The following CA5A variants were observed in gnomAD, a reference collection of about 807,000 sequenced individuals.
CA5A encodes the protein carbonic anhydrase 5A.
CA5A carries 28 observed loss-of-function variants against 37.1 expected under a neutral mutation model. The observed-to-expected ratio is 0.75, with a 90% CI of 0.56 to 1.03. The LOEUF is 1.03. Ranked by LOEUF, CA5A falls within the 50% of genes least tolerant of loss-of-function variation. CA5A has a pLI of 0.00. For missense variants in CA5A, 444 were observed against 399.9 expected, an observed-to-expected ratio of 1.11 and a Z score of -0.94; for synonymous variants, 171 against 158.4, an observed-to-expected ratio of 1.08 and a Z score of -0.60.
At chr16:87,918,872 C>T (rs1460184786) in intron 2 of CA5A, among the ~76,000 whole-genome samples, 6 of 152,188 alleles carry the variant, frequency 3.9e-5, no homozygotes, top group East Asian at 1.9e-4. Flanking sequence ...AGGAGAGGAC[C>T]GAGAACCTGG....
intron 2 of CA5A, among the ~76,000 whole-genome samples, chr16:87,913,153 A>T (rs889485194): frequency 5.3e-5 from 8 of 151,718 alleles, no homozygotes; most frequent in African/African-American, 1.9e-4. Context: ...TAATTTTTGT[A>T]TTATTACCAG....
At chr16:87,906,602 GGGC>G (rs1158459903) in intron 2 of CA5A, among the ~76,000 whole-genome samples, 5 of 152,124 alleles carry the variant, frequency 3.3e-5, no homozygotes, top group African/African-American at 1.2e-4. Context: ...ACTCCAGACT[GGGC>G]GACGGAGTGA....
At chr16:87,890,374 T>TCAACAAAA (rs1280758461) in intron 6 of CA5A, among the ~76,000 whole-genome samples, 3 of 152,098 alleles carry the variant, frequency 2.0e-5, no homozygotes, top group Non-Finnish European at 2.9e-5. Flanking sequence ...CTTCCCCGTT[T>TCAACAAAA]GTATATAAGG....
chr16:87,906,487 T>C (rs1037451157), intron 2 of CA5A, among the ~76,000 whole-genome samples: 2 of 151,684 alleles, frequency 1.3e-5, no homozygotes, highest in Non-Finnish European at 1.5e-5. Flanking sequence ...ATTAGCTGGG[T>C]GTGGTGGCGG....
intron 2 of CA5A, among the ~76,000 whole-genome samples, chr16:87,916,386 G>A (rs2056143935): frequency 6.6e-6 from 1 of 152,040 alleles, no homozygotes; most frequent in Admixed American, 6.6e-5. Context: ...TATTTAGGAT[G>A]CTCGTATTTT....
chr16:87,910,124 C>T (rs1390655749), intron 2 of CA5A, among the ~76,000 whole-genome samples: 2 of 152,212 alleles, frequency 1.3e-5, no homozygotes, highest in Non-Finnish European at 2.9e-5. Context: ...CTGGAAGCCA[C>T]TGAAGCCTTC....
At chr16:87,890,702 G>A (rs562873100) in intron 6 of CA5A, among the ~76,000 whole-genome samples, 16 of 152,270 alleles carry the variant, frequency 1.1e-4, no homozygotes, top group African/African-American at 3.9e-4. Context: ...TGCAACCTCC[G>A]CCTTCCAGGT....
At position 87,901,968 on chromosome 16, in the gene CA5A, C is replaced by G; in HGVS notation, c.562G>C (p.Ala188Pro). ...AGCCTCTGCAGCGTCTGATGATGGGCCCCGAGCTGCATGGCAGACAAAGGA... is the reference window on the plus strand; with the variant it reads ...AGCCTCTGCAGCGTCTGATGATGGGGCCCGAGCTGCATGGCAGACAAAGGA... ...AVIGVFLKLG[A>P]HHQTLQRLVD... Residue 188 changes from alanine (A) to proline (P), a missense_variant, in exon 5 of 7, where the codon GCC (alanine) becomes CCC (proline). Physicochemically the swap from Ala to Pro is conservative, Grantham distance 27. Transcript: ENST00000649794. 3.7e-6 allele frequency: 6 copies of G among 1,613,540 alleles called. No individual in the cohort carries two copies. Among genetic ancestry groups the G allele is most frequent in the Non-Finnish European group, 5.1e-6 (6 of 1,179,610 alleles).
chr16:87,903,789 G>C (rs529879056), intron 3 of CA5A, among the ~76,000 whole-genome samples: 2 of 152,308 alleles, frequency 1.3e-5, no homozygotes, highest in South Asian at 4.1e-4. Context: ...AGTTAGGTGA[G>C]TGGGTGAGCA....
At chr16:87,899,295 C>CT (rs774174056) in intron 5 of CA5A, among the ~76,000 whole-genome samples, 1,306 of 85,856 alleles carry the variant, frequency 0.015, 101 homozygotes, top group East Asian at 0.031. Context: ...CTCCTAAGGT[C>CT]TTTTTTTTTT....
chr16:87,904,418 G>C (rs2055927707), intron 3 of CA5A, among the ~76,000 whole-genome samples: 1 of 152,104 alleles, frequency 6.6e-6, no homozygotes, highest in Admixed American at 6.5e-5. Context: ...AAGATGTTCA[G>C]CTTCTCAGCA....
intron 5 of CA5A, among the ~76,000 whole-genome samples, chr16:87,895,661 C>G (rs1336626061): frequency 6.6e-6 from 1 of 152,204 alleles, no homozygotes; most frequent in Non-Finnish European, 1.5e-5. Flanking sequence ...TTTAGAACTT[C>G]CACCTCAAGG....
rs2056323823 is a variant in CA5A at position 87,927,060 on chromosome 16, C to G, written c.143-115G>C. The G allele has an allele frequency of 7.9e-6, 6 of 754,998 alleles. No individual in the cohort carries two copies. The Admixed American group carries it at 1.3e-4, about 16-fold the overall frequency. 46.8% of individuals were successfully genotyped at this position (754,998 alleles called of 1,614,324 possible). A position where few individuals can be genotyped will look rare whatever the true frequency, so the allele number is the denominator to read the frequency against. ...CCCTCACGTCCTGGCTCATGGGAAA[C>G]TGACCCACGGGAAACGGGCGCGTGG... On this transcript the variant is annotated intron_variant, in intron 1 of 6. Coordinates refer to ENST00000649794, the MANE Select transcript of CA5A (RefSeq NM_001739.2).
intron 5 of CA5A, chr16:87,893,709 G>A: frequency 1.9e-6 from 1 of 518,728 alleles, no homozygotes. Flanking sequence ...AGGCAGATTT[G>A]GTCGTGGACA....
chr16:87,931,822 A>C (rs773256783), intron 1 of CA5A, among the ~76,000 whole-genome samples: 5 of 152,192 alleles, frequency 3.3e-5, no homozygotes, highest in Non-Finnish European at 5.9e-5. Flanking sequence ...CGCGATAGAC[A>C]ACTATGGACG....
chr16:87,917,294 C>G (rs994670720), intron 2 of CA5A, among the ~76,000 whole-genome samples: 97 of 152,208 alleles, frequency 6.4e-4, no homozygotes, highest in South Asian at 2.1e-4. Flanking sequence ...TTCCTCAGTC[C>G]CGCTCCTAAT....
intron 2 of CA5A, among the ~76,000 whole-genome samples, chr16:87,925,993 TG>T (rs2056302485): frequency 6.6e-6 from 1 of 152,138 alleles, no homozygotes; most frequent in African/African-American, 2.4e-5. Context: ...GAGGCCAAGG[TG>T]GGCAGATCAC....
chr16:87,911,282 G>A lies in CA5A; in HGVS notation c.341-6378C>T, dbSNP rs994315160. The stretch of plus-strand genomic sequence containing the variant: ...CCGGCTCATGGAGATATAATTGAAC[G>A]ATTGCCTCAGCGCGTGCCAGACTCT... On this transcript the variant is annotated intron_variant, in intron 2 of 6. Coordinates refer to ENST00000649794, the MANE Select transcript of CA5A (RefSeq NM_001739.2). This position sits in a 1 kb window ranked among gnomAD's most constrained non-coding sequence, Gnocchi z 4.6. Among the ~76,000 whole-genome samples, 30 of 152,172 alleles carry A rather than the reference G, an allele frequency of 2.0e-4. No individual in the cohort carries two copies. The highest frequency in any genetic ancestry group is 7.2e-4 in the African/African-American group (30 of 41,528).
intron 2 of CA5A, among the ~76,000 whole-genome samples, chr16:87,919,476 C>T (rs1309191457): frequency 6.6e-6 from 1 of 152,198 alleles, no homozygotes; most frequent in Non-Finnish European, 1.5e-5. Context: ...GAAGCCAAGC[C>T]ACAGCCTCGG....
Sources: gnomAD v4.1 joint callset for allele counts (sites outside exome capture counted in the v4.1 genomes callset) on GRCh38, gnomAD v4.1.1 for gene constraint, Gnocchi (gnomAD v3.1) non-coding constraint, MANE v1.5 for transcripts, NCBI Gene and HGNC (gene_info 2026-07-23, HGNC 2026-07-21) for gene names.